Variants in TG observed in about 807,000 individuals in gnomAD.
The protein encoded by TG is thyroid hormones.
Under a neutral mutation model 324.7 loss-of-function variants are expected in TG, and 270 were observed. The observed-to-expected ratio is 0.83, with a 90% confidence interval of 0.75 to 0.92. The LOEUF (loss-of-function observed/expected upper bound fraction) is 0.92. TG is among the 40% of genes least tolerant of loss of function. The pLI, the probability that TG is intolerant of heterozygous loss-of-function variation, is 0.00. For missense variants in TG, 3,591 were observed against 3,456.4 expected, an observed-to-expected ratio of 1.04 and a Z score of -0.98; for synonymous variants, 1,401 against 1,327.0, an observed-to-expected ratio of 1.06 and a Z score of -1.21.
At position 132,971,870 on chromosome 8, in the gene TG, A is replaced by G. The variant is rs1221947406; in HGVS notation, c.6052A>G (p.Lys2018Glu). ...TGGATTTCTAAATGTTTCCCAGTTA[A>G]AAGGTAATAATGGTAACAACTTCCT... ...GFGFLNVSQL[K>E]GGEVTCLTLN... is the part of the protein sequence containing the mutation. Residue 2018 changes from lysine to glutamate, a missense_variant, in exon 33 of 48, where the codon AAA becomes GAA. Lys to Glu is a moderately conservative substitution (Grantham distance 56). Transcript: ENST00000220616. 9 of 1,608,794 alleles carry G rather than the reference A, an allele frequency of 5.6e-6. No individual in the cohort carries two copies. Among genetic ancestry groups the G allele is most frequent in the Non-Finnish European group, 6.8e-6 (8 of 1,175,254 alleles).
intron 41 of TG, chr8:133,060,073 G>A (rs372988731): frequency 2.6e-6 from 4 of 1,560,806 alleles, no homozygotes; most frequent in Non-Finnish European, 3.4e-6. Context: ...ACAGACTCAA[G>A]CATCTCACCA....
intron 41 of TG, among the ~76,000 whole-genome samples, chr8:133,055,192 T>C (rs1841150317): frequency 6.6e-6 from 1 of 152,024 alleles, no homozygotes; most frequent in South Asian, 2.1e-4. Context: ...AGGTAAGTTG[T>C]CAGGGTTAGC....
intron 16 of TG, among the ~76,000 whole-genome samples, chr8:132,903,314 C>G (rs1011456458): frequency 1.3e-5 from 2 of 152,172 alleles, no homozygotes; most frequent in African/African-American, 2.4e-5. Flanking sequence ...CTCACTTGCT[C>G]TTCTGACGCC....
intron 41 of TG, among the ~76,000 whole-genome samples, chr8:133,091,435 A>G (rs1291252755): frequency 1.3e-5 from 2 of 151,820 alleles, no homozygotes; most frequent in African/African-American, 4.8e-5. Context: ...GAGCTGCCAG[A>G]CCTCCTGCTT....
intron 43 of TG, among the ~76,000 whole-genome samples, chr8:133,097,073 AG>A (rs1046488188): frequency 6.6e-6 from 1 of 152,242 alleles, no homozygotes; most frequent in Admixed American, 6.5e-5. Context: ...TCAAGCCTAC[AG>A]GGAAGCCCAG....
chr8:132,988,347 A>T (rs544373424), intron 35 of TG, among the ~76,000 whole-genome samples: 3 of 152,314 alleles, frequency 2.0e-5, no homozygotes, highest in Admixed American at 2.0e-4. Context: ...GCATGTGTGG[A>T]AGCATGGGGA....
At chr8:132,897,545 A>T (rs1422768755) in intron 11 of TG, 104 bp from the exon 12 acceptor site, 1 of 1,461,830 alleles carries the variant, frequency 6.8e-7, no homozygotes, top group Non-Finnish European at 9.5e-7. Context: ...AATAAATAAG[A>T]AGGCCTCCTT....
chr8:133,133,087 C>T (rs1158565266), intron 46 of TG, among the ~76,000 whole-genome samples: 3 of 152,186 alleles, frequency 2.0e-5, no homozygotes, highest in Non-Finnish European at 4.4e-5. Flanking sequence ...ATTCACCCTC[C>T]TGCCCGGGCC....
intron 41 of TG, among the ~76,000 whole-genome samples, chr8:133,080,721 T>C (rs909021378): frequency 6.6e-6 from 1 of 152,170 alleles, no homozygotes; most frequent in Non-Finnish European, 1.5e-5. Context: ...CCACTCACCA[T>C]AGGAACTCCC....
chr8:132,992,034 T>C (rs1316819607), intron 35 of TG, among the ~76,000 whole-genome samples: 1 of 152,200 alleles, frequency 6.6e-6, no homozygotes, highest in Non-Finnish European at 1.5e-5. Context: ...AGGGAGCCAC[T>C]AGCCAATGGA....
chr8:132,921,957 C>A (rs1325792690), intron 21 of TG, among the ~76,000 whole-genome samples: 1 of 152,200 alleles, frequency 6.6e-6, no homozygotes, highest in East Asian at 1.9e-4. Context: ...AAAATATTAT[C>A]TTTCACCTAC....
At chr8:133,081,870 C>T (rs1182993951) in intron 41 of TG, among the ~76,000 whole-genome samples, 2 of 152,206 alleles carry the variant, frequency 1.3e-5, no homozygotes, top group East Asian at 1.9e-4. Context: ...TGTAAGCCTT[C>T]CTGCCTCTGA....
chr8:133,084,478 A>G (rs1012824915), intron 41 of TG, among the ~76,000 whole-genome samples: 7 of 152,216 alleles, frequency 4.6e-5, no homozygotes, highest in Non-Finnish European at 1.0e-4. Flanking sequence ...TGCCTCGGCT[A>G]TCACTCATGG....
intron 34 of TG, among the ~76,000 whole-genome samples, chr8:132,981,983 G>A (rs1303640673): frequency 6.6e-6 from 1 of 152,188 alleles, no homozygotes; most frequent in Non-Finnish European, 1.5e-5. Context: ...AACACAGCAT[G>A]ACTCTGACCC....
At chr8:132,964,391 T>C (rs1177908363) in intron 29 of TG, among the ~76,000 whole-genome samples, 1 of 151,950 alleles carries the variant, frequency 6.6e-6, no homozygotes, top group East Asian at 1.9e-4. Flanking sequence ...TGGGCTCAAG[T>C]AGATAAAGTG....
At chr8:133,102,277 A>G (rs1849355218) in intron 43 of TG, 1 of 388,002 alleles carries the variant, frequency 2.6e-6, no homozygotes, top group South Asian at 6.2e-5. Flanking sequence ...ACTCATGCCA[A>G]CGCTGCATAA....
At chr8:133,078,822 G>A (rs1380623456) in intron 41 of TG, among the ~76,000 whole-genome samples, 12 of 152,272 alleles carry the variant, frequency 7.9e-5, no homozygotes, top group African/African-American at 1.7e-4. Context: ...GAGGACAGAC[G>A]GGGAGAGAAT....
At chr8:132,875,295 T>C (rs1044759258) in intron 5 of TG, among the ~76,000 whole-genome samples, 4 of 152,238 alleles carry the variant, frequency 2.6e-5, no homozygotes, top group African/African-American at 4.8e-5. Flanking sequence ...TGAGTACTTA[T>C]TGCTGCAAAC....
intron 18 of TG, among the ~76,000 whole-genome samples, chr8:132,909,044 T>A (rs868652978): frequency 3.5e-4 from 53 of 152,348 alleles, no homozygotes; most frequent in African/African-American, 1.2e-3. Context: ...ATGTTGGAAA[T>A]GGCTCAAGGC....
Sources: gnomAD v4.1 joint callset for allele counts (sites outside exome capture counted in the v4.1 genomes callset) on GRCh38, gnomAD v4.1.1 for gene constraint, MANE v1.5 for transcripts, NCBI Gene and HGNC (gene_info 2026-07-23, HGNC 2026-07-21) for gene names.